The following PTPRT variants were observed in gnomAD, a reference collection of about 807,000 sequenced individuals.
PTPRT encodes the protein receptor-type tyrosine-protein phosphatase T.
Under a neutral mutation model 176.8 loss-of-function variants are expected in PTPRT, and 56 were observed. The observed-to-expected ratio is 0.32, with a 90% CI of 0.26 to 0.40. PTPRT has a LOEUF of 0.40. Ranked by LOEUF, PTPRT falls within the 10% of genes least tolerant of loss-of-function variation. The pLI, the probability that PTPRT is intolerant of heterozygous loss-of-function variation, is 1.00. For missense variants in PTPRT, 1,540 were observed against 1,908.2 expected (o/e 0.81, Z 3.60); for synonymous variants, 783 against 739.0 (o/e 1.06, Z -0.96).
intron 8 of PTPRT, among the ~76,000 whole-genome samples, chr20:42,451,958 T>G (rs2035844397): frequency 6.6e-6 from 1 of 152,054 alleles, no homozygotes; most frequent in Admixed American, 6.6e-5. Context: ...AGGTTATGAT[T>G]AAAGCAACTA....
At chr20:42,579,111 A>G (rs1003947550) in intron 7 of PTPRT, among the ~76,000 whole-genome samples, 1 of 124,600 alleles carries the variant, frequency 8.0e-6, no homozygotes, top group African/African-American at 3.2e-5. Context: ...TCCTGTGTCC[A>G]TGTGTTCTCA....
At chr20:42,739,382 TA>T (rs1438699619) in intron 6 of PTPRT, among the ~76,000 whole-genome samples, 11 of 150,880 alleles carry the variant, frequency 7.3e-5, no homozygotes, top group Admixed American at 6.6e-4. Context: ...GAGGAAGAGG[TA>T]GGAGGAAGAG....
At chr20:42,253,110 A>G (rs1373524568) in intron 13 of PTPRT, among the ~76,000 whole-genome samples, 1 of 152,068 alleles carries the variant, frequency 6.6e-6, no homozygotes, top group Non-Finnish European at 1.5e-5. Context: ...TCCACGTGTG[A>G]CTCCCATATC....
At chr20:42,770,366 A>T (rs993790817) in intron 5 of PTPRT, among the ~76,000 whole-genome samples, 1 of 152,212 alleles carries the variant, frequency 6.6e-6, no homozygotes, top group Non-Finnish European at 1.5e-5. Flanking sequence ...ACTGAACAGC[A>T]TGGCTCCAAC....
intron 2 of PTPRT, among the ~76,000 whole-genome samples, chr20:42,879,089 C>T (rs892629960): frequency 1.3e-5 from 2 of 152,074 alleles, no homozygotes; most frequent in African/African-American, 2.4e-5. Context: ...TTACAGAGCT[C>T]GTGTGGAAAA....
At chr20:42,752,123 TC>T (rs1569133859) in intron 6 of PTPRT, among the ~76,000 whole-genome samples, 1 of 152,082 alleles carries the variant, frequency 6.6e-6, no homozygotes, top group African/African-American at 2.4e-5. Context: ...TGACATGATT[TC>T]CCCAAAGCCA....
chr20:42,197,863 A>T (rs1332291827), intron 16 of PTPRT, among the ~76,000 whole-genome samples: 1 of 152,170 alleles, frequency 6.6e-6, no homozygotes, highest in East Asian at 1.9e-4. Context: ...TCTTCTCAAC[A>T]TTTTTGTAGG....
intron 8 of PTPRT, among the ~76,000 whole-genome samples, chr20:42,453,690 G>C (rs2070872578): frequency 8.9e-6 from 1 of 111,976 alleles, no homozygotes; most frequent in African/African-American, 3.7e-5. Context: ...TTTTTTTTAA[G>C]ACAGAGTTTC....
chr20:42,107,092 C>T (rs78458772), intron 23 of PTPRT, among the ~76,000 whole-genome samples, 171 bp from the exon 24 acceptor site: 2 of 152,368 alleles, frequency 1.3e-5, no homozygotes, highest in East Asian at 3.9e-4. Context: ...GCAAACCACA[C>T]ATATACATGC....
At chr20:43,054,851 T>C (rs1164792189) in intron 1 of PTPRT, among the ~76,000 whole-genome samples, 1 of 152,146 alleles carries the variant, frequency 6.6e-6, no homozygotes, top group Non-Finnish European at 1.5e-5. Context: ...TAAAGACCCA[T>C]CTAGTTCTAA....
chr20:42,039,688 T>G, the PTPRT span, among the ~76,000 whole-genome samples: 2 of 66,888 alleles, frequency 3.0e-5, no homozygotes, highest in African/African-American at 8.8e-5. Context: ...CAATATTCTG[T>G]TGTGTATATA....
intron 1 of PTPRT, among the ~76,000 whole-genome samples, chr20:43,180,237 C>A (rs2015216712): frequency 6.6e-6 from 1 of 152,102 alleles, no homozygotes; most frequent in African/African-American, 2.4e-5. Flanking sequence ...AATTCTCAGG[C>A]CTTCGGACTT....
intron 2 of PTPRT, among the ~76,000 whole-genome samples, chr20:42,812,927 G>A (rs1249604953): frequency 3.9e-5 from 6 of 152,026 alleles, no homozygotes; most frequent in African/African-American, 1.4e-4. Context: ...TACCTTTAGA[G>A]TATATATCTT....
Position 42,472,492 on chromosome 20 carries a change from C to T in PTPRT, c.1224G>A (p.Glu408=). ...AGCGGGTCACCGCGTAGCCGAAGGG[C>T]TCCCACTGCAGGGTCAGCTGCCGGG... ...IRARQLTLQW[E]PFGYAVTRCH... The change falls in exon 8 of 31, where the codon GAG becomes GAA. Residue 408 remains glutamate, a synonymous_variant. Coordinates refer to ENST00000373187, the MANE Select transcript of PTPRT (RefSeq NM_007050.6). The T allele has an allele frequency of 6.2e-7, 1 of 1,614,242 alleles. No individual in the cohort carries two copies. Among genetic ancestry groups the T allele is most frequent in the Non-Finnish European group, 8.5e-7 (1 of 1,180,042 alleles).
chr20:42,359,089 T>C (rs1365903868), intron 9 of PTPRT, among the ~76,000 whole-genome samples: 2 of 152,202 alleles, frequency 1.3e-5, no homozygotes, highest in Non-Finnish European at 2.9e-5. Flanking sequence ...AGCTGCAGAT[T>C]CATGAGTCTA....
In PTPRT at chr20:42,641,646, T is replaced by C. The variant is rs146458585; in HGVS notation, c.1153+36220A>G. 3.6e-4 allele frequency among the ~76,000 whole-genome samples: 55 copies of C among 152,298 alleles called. 1 individual carries two copies. The highest frequency in any genetic ancestry group is 5.6e-4 in the Non-Finnish European group (38 of 68,034). The stretch of plus-strand genomic sequence containing the variant: ...CAGATTAAGGCTGAATGTAATTCTT[T>C]CCAGTGGACCCAGAGAACTTGCAAA... On this transcript the variant is annotated intron_variant, in intron 7 of 30. Transcript: ENST00000373187.
intron 1 of PTPRT, among the ~76,000 whole-genome samples, chr20:43,169,781 C>G (rs921003695): frequency 6.6e-6 from 1 of 152,168 alleles, no homozygotes; most frequent in African/African-American, 2.4e-5. Flanking sequence ...CCTGAAGCAG[C>G]CTTCTCCCTC....
intron 7 of PTPRT, among the ~76,000 whole-genome samples, chr20:42,520,586 T>C (rs982202038): frequency 2.6e-5 from 4 of 152,122 alleles, no homozygotes; most frequent in African/African-American, 9.7e-5. Context: ...GTGCAATTTA[T>C]TTGTTAAAAT....
At chr20:42,208,792 A>T (rs992880297) in intron 15 of PTPRT, among the ~76,000 whole-genome samples, 1 of 152,206 alleles carries the variant, frequency 6.6e-6, no homozygotes, top group East Asian at 1.9e-4. Context: ...CACCGAGTGG[A>T]CCTAATAGAC....
Sources: allele counts gnomAD v4.1 joint callset (sites outside exome capture counted in the v4.1 genomes callset), GRCh38; gene constraint gnomAD v4.1.1; transcripts MANE v1.5; gene names NCBI Gene and HGNC (gene_info 2026-07-23, HGNC 2026-07-21).